The following TM9SF4 variants were observed in gnomAD, a reference collection of about 807,000 sequenced individuals.
The protein encoded by TM9SF4 is transmembrane 9 superfamily member 4, also known as dinucleotide oxidase disulfide thiol exchanger 3 superfamily member 4.
TM9SF4 carries 26 observed loss-of-function variants against 90.4 expected under a neutral mutation model. That is an observed-to-expected ratio of 0.29 (90% CI 0.21 to 0.40). The LOEUF is 0.40. Among genes scored for constraint, TM9SF4 ranks in the 10% least tolerant of loss-of-function variants. TM9SF4 has a pLI of 1.00. For missense variants in TM9SF4, 549 were observed against 834.8 expected (o/e 0.66, Z 4.22); for synonymous variants, 293 against 315.4 (o/e 0.93, Z 0.75).
chr20:32,153,274 G>GC (rs1365570355), intron 12 of TM9SF4, among the ~76,000 whole-genome samples: 1 of 152,206 alleles, frequency 6.6e-6, no homozygotes, highest in African/African-American at 2.4e-5. Flanking sequence ...ATGCAAAAAG[G>GC]CCCAGAGACA....
chr20:32,138,420 A>G (rs1391238884), intron 3 of TM9SF4, among the ~76,000 whole-genome samples: 2 of 152,188 alleles, frequency 1.3e-5, no homozygotes, highest in Non-Finnish European at 2.9e-5. Context: ...CCTGAGGTCA[A>G]GAGTTCAAGA....
chr20:32,130,157 T>G (rs1001217442), intron 1 of TM9SF4, among the ~76,000 whole-genome samples: 1 of 152,238 alleles, frequency 6.6e-6, no homozygotes, highest in Admixed American at 6.5e-5. Flanking sequence ...TAGTTCTAAG[T>G]TGAACTTCTG....
chr20:32,151,893 G>A (rs965755469), intron 12 of TM9SF4, among the ~76,000 whole-genome samples: 11 of 146,974 alleles, frequency 7.5e-5, no homozygotes, highest in African/African-American at 2.0e-4. Flanking sequence ...ACGGAGTCTC[G>A]CTCTGTTGCC....
At chr20:32,149,609 G>A in intron 9 of TM9SF4, 25 bp from the exon 10 acceptor site, 1 of 1,614,084 alleles carries the variant, frequency 6.2e-7, no homozygotes, top group Non-Finnish European at 8.5e-7. Context: ...TCAACAACCA[G>A]CCTCACTCTG....
chr20:32,152,310 T>C (rs1446853327), intron 12 of TM9SF4, among the ~76,000 whole-genome samples: 2 of 151,360 alleles, frequency 1.3e-5, no homozygotes, highest in African/African-American at 2.4e-5. Context: ...CCCTCCAGGA[T>C]TTCCCTCGAT....
rs2046844202 is a variant in TM9SF4, at chr20:32,151,735, A to G, written c.1245+860A>G. Among the ~76,000 whole-genome samples the G allele has an allele frequency of 2.0e-5, 3 of 151,814 alleles. No homozygotes were observed. The South Asian group carries it at 6.2e-4, about 32-fold the overall frequency. On this transcript the variant is annotated intron_variant, in intron 12 of 17. Transcript: ENST00000398022. Reference sequence around the variant, plus strand: ...TTGCTCTTGTTGCCCAGGCTGGAGTACAATGGCGCGATCTCGGATCACTGC... The same window carrying G: ...TTGCTCTTGTTGCCCAGGCTGGAGTGCAATGGCGCGATCTCGGATCACTGC...
At chr20:32,140,218 T>C (rs575629248) in intron 3 of TM9SF4, among the ~76,000 whole-genome samples, 7 of 152,354 alleles carry the variant, frequency 4.6e-5, no homozygotes, top group African/African-American at 1.2e-4. Context: ...CATCAATTGT[T>C]GAACAGCTCA....
At chr20:32,138,503 A>G (rs1024639843) in intron 3 of TM9SF4, among the ~76,000 whole-genome samples, 24 of 152,330 alleles carry the variant, frequency 1.6e-4, no homozygotes, top group African/African-American at 5.8e-4. Context: ...CTAAAAATAC[A>G]AAAATTAGCC....
At chr20:32,153,520 A>G (rs753071764) in intron 12 of TM9SF4, among the ~76,000 whole-genome samples, 1 of 152,206 alleles carries the variant, frequency 6.6e-6, no homozygotes, top group Non-Finnish European at 1.5e-5. Context: ...AGGCCGAGGC[A>G]GGAGGATCAC....
At chr20:32,128,120 A>G (rs889904278) in intron 1 of TM9SF4, among the ~76,000 whole-genome samples, 1 of 152,220 alleles carries the variant, frequency 6.6e-6, no homozygotes, top group African/African-American at 2.4e-5. Context: ...TTGATTGCCC[A>G]GTGCTGCACA....
At chr20:32,141,729 C>A in intron 4 of TM9SF4, 37 bp from the exon 5 acceptor site, 2 of 1,612,910 alleles carry the variant, frequency 1.2e-6, no homozygotes, top group East Asian at 2.2e-5. Context: ...ACGGGAGAGG[C>A]GGTCGAGAGG....
intron 17 of TM9SF4, among the ~76,000 whole-genome samples, chr20:32,163,286 T>A (rs2047052735): frequency 8.0e-6 from 1 of 124,694 alleles, no homozygotes; most frequent in African/African-American, 3.2e-5. Context: ...TATATATATA[T>A]ATATATATAT....
At position 32,128,824 on chromosome 20, in the gene TM9SF4, G is replaced by A; in HGVS notation, c.16-4189G>A. 2.2e-5 allele frequency among the ~76,000 whole-genome samples: 3 copies of A among 138,352 alleles called. 1 individual carries two copies. In the Middle Eastern group the frequency reaches 0.011, roughly 524 times the overall value. 90.8% of individuals were successfully genotyped at this position (138,352 alleles called of 152,430 possible). A position where few individuals can be genotyped will look rare whatever the true frequency, so the allele number is the denominator to read the frequency against. On this transcript the variant is annotated intron_variant, in intron 1 of 17. Transcript: ENST00000398022. ...TGTGTGTGTGTGTGTGTGTGTGTGT[G>A]TGTATACATTTATACAGTGTCCCAA...
intron 1 of TM9SF4, among the ~76,000 whole-genome samples, chr20:32,118,517 C>T (rs1263694219): frequency 2.0e-5 from 3 of 152,014 alleles, no homozygotes; most frequent in Non-Finnish European, 4.4e-5. Context: ...TAACTGCAGC[C>T]GTCGGACTCC....
At chr20:32,114,798 C>T (rs1205748237) in intron 1 of TM9SF4, among the ~76,000 whole-genome samples, 1 of 152,196 alleles carries the variant, frequency 6.6e-6, no homozygotes, top group Non-Finnish European at 1.5e-5. Flanking sequence ...AGAAGGAACG[C>T]TGGAGCAGGA....
intron 1 of TM9SF4, among the ~76,000 whole-genome samples, chr20:32,132,046 T>C (rs574376049): frequency 2.8e-4 from 42 of 152,316 alleles, no homozygotes; most frequent in Admixed American, 2.6e-3. Flanking sequence ...GAGGTTGTTT[T>C]TTAGATAGAA....
chr20:32,157,995 C>T, intron 14 of TM9SF4, 26 bp downstream of exon 14: 1 of 1,612,972 alleles, frequency 6.2e-7, no homozygotes, highest in Non-Finnish European at 8.5e-7. Context: ...GAGGCAAGAG[C>T]AGGGGAACGT....
At chr20:32,149,581 C>T (rs2046811913) in intron 9 of TM9SF4, 53 bp from the exon 10 acceptor site, 4 of 1,613,556 alleles carry the variant, frequency 2.5e-6, no homozygotes, top group African/African-American at 1.3e-5. Flanking sequence ...GTGGTCCCTG[C>T]AAGAGCTGCC....
At chr20:32,155,750 T>C (rs981589417) in intron 13 of TM9SF4, among the ~76,000 whole-genome samples, 1 of 152,172 alleles carries the variant, frequency 6.6e-6, no homozygotes, top group Non-Finnish European at 1.5e-5. Flanking sequence ...GGACTGCAGT[T>C]GAGATGTGGC....
Sources: allele counts gnomAD v4.1 joint callset (sites outside exome capture counted in the v4.1 genomes callset), GRCh38; gene constraint gnomAD v4.1.1; transcripts MANE v1.5; gene names NCBI Gene and HGNC (gene_info 2026-07-23, HGNC 2026-07-21).